Variants in TDRD3 observed in about 807,000 individuals in gnomAD.
TDRD3 encodes the protein tudor domain-containing protein 3.
A neutral mutation model predicts 86.7 loss-of-function variants in TDRD3; 45 were observed. The ratio of observed to expected loss-of-function variants is 0.52; its 90% CI spans 0.41 to 0.67. The LOEUF is 0.67. Ranked by LOEUF, TDRD3 falls within the 30% of genes least tolerant of loss-of-function variation. The pLI is 0.00. For synonymous variants in TDRD3, 298 were observed against 301.7 expected (o/e 0.99, Z 0.13); for missense variants, 814 against 889.0 (o/e 0.92, Z 1.07).
intron 1 of TDRD3, among the ~76,000 whole-genome samples, chr13:60,409,268 G>A (rs1365452709): frequency 6.6e-6 from 1 of 152,234 alleles, no homozygotes; most frequent in East Asian, 1.9e-4. Context: ...CTCTGTTAGT[G>A]TAGTGCAGAA....
At position 60,444,737 on chromosome 13, in the gene TDRD3, A is replaced by G. The variant is rs775809625; in HGVS notation, c.181A>G (p.Lys61Glu). 2.0e-6 allele frequency: 3 copies of G among 1,479,466 alleles called. No individual in the cohort carries two copies. The South Asian group carries it at 4.1e-5, about 20-fold the overall frequency. The allele number at this position is 1,479,466 out of a possible 1,614,324, so 91.6% of individuals were successfully genotyped here. The part of the protein sequence containing the change: ...KFLPSDINSG[K>E]VEKLEGPCVL... ...CCTCCCCAGTGACATCAATAGTGGA[A>G]AGGTAGAAAAGGTAAAGAAAATCAA... Residue 61 changes from lysine to glutamate, a missense_variant, in exon 3 of 14, where the codon AAG becomes GAG. By Grantham distance (56) the Lys-to-Glu change is moderately conservative. Coordinates refer to ENST00000377881, the MANE Select transcript of TDRD3 (RefSeq NM_001146070.2).
intron 7 of TDRD3, among the ~76,000 whole-genome samples, chr13:60,490,462 T>G (rs1956561411): frequency 6.6e-6 from 1 of 152,010 alleles, no homozygotes; most frequent in African/African-American, 2.4e-5. Flanking sequence ...GAAGATAAAG[T>G]CAAGAGAGAT....
intron 5 of TDRD3, among the ~76,000 whole-genome samples, chr13:60,467,955 C>G (rs1248870323): frequency 6.6e-6 from 1 of 152,278 alleles, no homozygotes; most frequent in East Asian, 1.9e-4. Flanking sequence ...CACTTCCTTG[C>G]TCTCCAGTTC....
At chr13:60,487,495 A>G (rs1956469190) in intron 7 of TDRD3, among the ~76,000 whole-genome samples, 2 of 152,210 alleles carry the variant, frequency 1.3e-5, no homozygotes, top group Admixed American at 1.3e-4. Context: ...AAAATTAAAA[A>G]AAAAAGTATG....
chr13:60,548,436 C>T (rs923223277), intron 12 of TDRD3, among the ~76,000 whole-genome samples: 3 of 152,150 alleles, frequency 2.0e-5, no homozygotes, highest in African/African-American at 7.2e-5. Flanking sequence ...AATGCTTGGT[C>T]TGACTATCTG....
At chr13:60,470,936 T>C (rs1164932406) in intron 5 of TDRD3, among the ~76,000 whole-genome samples, 1 of 152,158 alleles carries the variant, frequency 6.6e-6, no homozygotes, top group Non-Finnish European at 1.5e-5. Flanking sequence ...TTGAGCATCT[T>C]TTTGTGTGCT....
At chr13:60,527,660 G>A (rs566581783) in intron 10 of TDRD3, among the ~76,000 whole-genome samples, 52 of 152,222 alleles carry the variant, frequency 3.4e-4, no homozygotes, top group African/African-American at 1.1e-3. Flanking sequence ...TATTTATCAC[G>A]TTATTTCTTG....
chr13:60,426,897 A>G (rs1039293947), intron 1 of TDRD3, among the ~76,000 whole-genome samples: 3 of 152,250 alleles, frequency 2.0e-5, no homozygotes, highest in African/African-American at 7.2e-5. Flanking sequence ...GACTACGCGC[A>G]TAGGCTATAT....
intron 12 of TDRD3, among the ~76,000 whole-genome samples, chr13:60,540,591 A>G (rs1054246600): frequency 6.6e-6 from 1 of 152,174 alleles, no homozygotes; most frequent in African/African-American, 2.4e-5. Flanking sequence ...AGCTAAGCCT[A>G]ACGGAATATT....
intron 1 of TDRD3, among the ~76,000 whole-genome samples, chr13:60,401,972 A>C (rs768951615): frequency 3.3e-5 from 5 of 152,246 alleles, no homozygotes; most frequent in Non-Finnish European, 7.3e-5. Context: ...TATAGGTTAT[A>C]AAGTGATTAT....
intron 8 of TDRD3, among the ~76,000 whole-genome samples, chr13:60,504,858 C>G (rs1277018233): frequency 6.6e-6 from 1 of 152,120 alleles, no homozygotes; most frequent in Non-Finnish European, 1.5e-5. Context: ...TCTCCCATAG[C>G]CAAGATAAGC....
chr13:60,548,060 CT>C (rs1425924031), intron 12 of TDRD3, among the ~76,000 whole-genome samples: 1 of 152,038 alleles, frequency 6.6e-6, no homozygotes, highest in Non-Finnish European at 1.5e-5. Context: ...CATTCATTTT[CT>C]CTGTGGGAAA....
At chr13:60,411,658 G>A (rs1954372586) in intron 1 of TDRD3, among the ~76,000 whole-genome samples, 1 of 151,914 alleles carries the variant, frequency 6.6e-6, no homozygotes, top group African/African-American at 2.4e-5. Context: ...GCTTTGTGCT[G>A]TCATTTAAGG....
At chr13:60,513,024 C>G (rs928716191) in intron 10 of TDRD3, among the ~76,000 whole-genome samples, 1 of 152,218 alleles carries the variant, frequency 6.6e-6, no homozygotes, top group African/African-American at 2.4e-5. Flanking sequence ...AGGGCCCGCC[C>G]CTGCAGCAAA....
At chr13:60,475,139 G>T (rs1956158251) in intron 5 of TDRD3, among the ~76,000 whole-genome samples, 1 of 151,294 alleles carries the variant, frequency 6.6e-6, no homozygotes, top group Non-Finnish European at 1.5e-5. Context: ...TTCTTAACAT[G>T]GGTAAATTGT....
chr13:60,452,857 A>T, intron 3 of TDRD3, among the ~76,000 whole-genome samples: 1 of 150,260 alleles, frequency 6.7e-6, no homozygotes. Flanking sequence ...GTCTCTTATT[A>T]CTGTTATCAG....
In TDRD3 at chr13:60,451,602, T is replaced by C. The variant is rs113733235; in HGVS notation, c.192+6854T>C. 3.4e-3 allele frequency among the ~76,000 whole-genome samples: 513 copies of C among 152,270 alleles called. 4 individuals are homozygous for C. The highest frequency in any genetic ancestry group is 0.012 in the African/African-American group (489 of 41,554). On this transcript the variant is annotated intron_variant, in intron 3 of 13. Transcript: ENST00000377881. Reference sequence around the variant, plus strand: ...TTACCAACACACCTCTGCACACATATAACAGTTTCCCTAAGGAATATAAAC... The same window carrying C: ...TTACCAACACACCTCTGCACACATACAACAGTTTCCCTAAGGAATATAAAC...
At chr13:60,505,380 G>C (rs1199032466) in intron 8 of TDRD3, among the ~76,000 whole-genome samples, 1 of 152,208 alleles carries the variant, frequency 6.6e-6, no homozygotes, top group Admixed American at 6.5e-5. Flanking sequence ...TAGCCAGACT[G>C]CGTCTCTGGA....
intron 5 of TDRD3, among the ~76,000 whole-genome samples, chr13:60,482,063 G>C (rs1035697118): frequency 6.6e-6 from 1 of 152,182 alleles, no homozygotes; most frequent in Non-Finnish European, 1.5e-5. Flanking sequence ...TGGATTGTCT[G>C]TATACCCTTT....
Sources: gnomAD v4.1 joint callset for allele counts (sites outside exome capture counted in the v4.1 genomes callset) on GRCh38, gnomAD v4.1.1 for gene constraint, MANE v1.5 for transcripts, NCBI Gene and HGNC (gene_info 2026-07-23, HGNC 2026-07-21) for gene names.